The following RSBN1 variants were observed in gnomAD, a reference collection of about 807,000 sequenced individuals.
The protein encoded by RSBN1 is lysine-specific demethylase 9.
A neutral mutation model predicts 74.8 loss-of-function variants in RSBN1; 23 were observed. The ratio of observed to expected loss-of-function variants is 0.31; its 90% CI spans 0.22 to 0.44. The LOEUF (loss-of-function observed/expected upper bound fraction) is 0.44, where lower values mean the gene tolerates loss of function less well. RSBN1 is among the 20% of genes least tolerant of loss of function. The probability of loss-of-function intolerance (pLI) is 1.00; values close to 1 mark genes in which losing one functional copy is unlikely to be tolerated. For missense variants in RSBN1, 808 were observed against 1,020.9 expected (o/e 0.79, Z 2.84); for synonymous variants, 407 against 379.6 (o/e 1.07, Z -0.84).
At position 113,797,561 on chromosome 1, in the gene RSBN1, C is replaced by T; in HGVS notation, c.1179G>A (p.Glu393=). The T allele has an allele frequency of 6.2e-7, 1 of 1,611,764 alleles. No individual in the cohort carries two copies. The highest frequency in any genetic ancestry group is 2.2e-5 in the East Asian group (1 of 44,768). Residue 393 remains glutamate (E), a synonymous_variant, in exon 2 of 7, where the codon GAG becomes GAA. Transcript: ENST00000261441. ...LSPMEMERFS[E]EFLALTFSEN... ...CACTGAATGTCAAAGCAAGAAACTC[C>T]TCAGAAAATCTCTCCATCTCCATTG...
intron 2 of RSBN1, among the ~76,000 whole-genome samples, chr1:113,787,322 G>A (rs1331369326): frequency 6.6e-6 from 1 of 152,134 alleles, no homozygotes. Flanking sequence ...TAAAATCCCA[G>A]ATAGTCAAAG....
intron 2 of RSBN1, among the ~76,000 whole-genome samples, chr1:113,787,408 A>G (rs989233289): frequency 3.3e-5 from 5 of 152,240 alleles, no homozygotes; most frequent in Admixed American, 3.3e-4. Flanking sequence ...GGAAATTTGC[A>G]AACTGAGAAC....
intron 4 of RSBN1, among the ~76,000 whole-genome samples, chr1:113,770,765 CAG>C (rs919075208): frequency 1.1e-4 from 16 of 151,888 alleles, no homozygotes; most frequent in Non-Finnish European, 2.1e-4. Flanking sequence ...AGCAGCCTGA[CAG>C]AGAAAAACCA....
chr1:113,767,312 T>C (rs1203087305), intron 5 of RSBN1, 105 bp from the exon 6 acceptor site: 2 of 572,796 alleles, frequency 3.5e-6, no homozygotes, highest in Admixed American at 3.4e-5. Flanking sequence ...AGCAGAGAAA[T>C]AGATGCATAG....
chr1:113,771,623 A>C (rs1659885900), intron 4 of RSBN1, among the ~76,000 whole-genome samples: 1 of 151,766 alleles, frequency 6.6e-6, no homozygotes, highest in African/African-American at 2.4e-5. Flanking sequence ...AAAAAAAAAA[A>C]AAGGTTATAA....
At chr1:113,784,436 G>A (rs1660198533) in intron 2 of RSBN1, among the ~76,000 whole-genome samples, 1 of 152,116 alleles carries the variant, frequency 6.6e-6, no homozygotes, top group South Asian at 2.1e-4. Context: ...TAGTCCAGTG[G>A]TCCCCAATCT....
chr1:113,777,396 G>C (rs557261274), intron 3 of RSBN1, 44 bp from the exon 4 acceptor site: 2 of 1,564,822 alleles, frequency 1.3e-6, no homozygotes, highest in African/African-American at 2.7e-5. Context: ...TTGTTTCAAT[G>C]ATTTATAAGT....
At position 113,797,695 on chromosome 1, in the gene RSBN1, A is replaced by T; in HGVS notation, c.1045T>A (p.Phe349Ile). 1 of 1,614,068 alleles carries T rather than the reference A, an allele frequency of 6.2e-7. No individual in the cohort carries two copies. Among genetic ancestry groups the T allele is most frequent in the Non-Finnish European group, 8.5e-7 (1 of 1,179,990 alleles). Residue 349 changes from phenylalanine to isoleucine, a missense_variant, in exon 2 of 7, where the codon TTC (phenylalanine) becomes ATC (isoleucine). By Grantham distance (21) the Phe-to-Ile change is conservative (BLOSUM62 0). Transcript: ENST00000261441. ...CTAAATTTAGTACCTGTTTTTAAGAAATTTCTACGAATAGAATGTTCCTGG... is the reference window on the plus strand; with the variant it reads ...CTAAATTTAGTACCTGTTTTTAAGATATTTCTACGAATAGAATGTTCCTGG... ...THQEHSIRRNFLKTGTKFSNF... is the reference protein window; with the variant it reads ...THQEHSIRRNILKTGTKFSNF...
At chr1:113,807,943 C>G (rs1209167173) in intron 1 of RSBN1, among the ~76,000 whole-genome samples, 1 of 151,654 alleles carries the variant, frequency 6.6e-6, no homozygotes, top group East Asian at 1.9e-4. Context: ...TTGGGAAATG[C>G]AAATTAAGAT....
chr1:113,780,212 A>G (rs1432376673), intron 2 of RSBN1, among the ~76,000 whole-genome samples: 1 of 152,218 alleles, frequency 6.6e-6, no homozygotes, highest in African/African-American at 2.4e-5. Context: ...ATCCTAATTT[A>G]AAGCAGCCAA....
intron 1 of RSBN1, among the ~76,000 whole-genome samples, chr1:113,806,869 C>T (rs1660709753): frequency 6.8e-6 from 1 of 146,484 alleles, no homozygotes; most frequent in South Asian, 2.2e-4. Context: ...AAACATTAGC[C>T]AGGTGTGGTG....
At chr1:113,768,129 C>A in intron 5 of RSBN1, 93 bp downstream of exon 5, 1 of 1,120,650 alleles carries the variant, frequency 8.9e-7, no homozygotes, top group Non-Finnish European at 1.2e-6. Flanking sequence ...TATTTTACCA[C>A]AATTTAAAAA....
In RSBN1 at chr1:113,804,361, G is replaced by A. The variant is rs116220636; in HGVS notation, c.704-6325C>T. 8.9e-3 allele frequency among the ~76,000 whole-genome samples: 1,348 copies of A among 152,230 alleles called. 9 individuals are homozygous for A. Among genetic ancestry groups the A allele is most frequent in the Middle Eastern group, 0.014 (4 of 294 alleles). On this transcript the variant is annotated intron_variant, in intron 1 of 6. Coordinates refer to ENST00000261441, the MANE Select transcript of RSBN1 (RefSeq NM_018364.5). ...TTTAATCCTCAAACCAATGAAGTAC[G>A]GAGAAAGAAACAGCCTGAAACAAGA...
At chr1:113,791,211 C>T (rs750126349) in intron 2 of RSBN1, among the ~76,000 whole-genome samples, 38 of 151,952 alleles carry the variant, frequency 2.5e-4, no homozygotes, top group Admixed American at 2.2e-3. Flanking sequence ...AAGGATGTGG[C>T]ATCAAAGAGA....
At chr1:113,781,024 C>A (rs552023084) in intron 2 of RSBN1, among the ~76,000 whole-genome samples, 26 of 152,094 alleles carry the variant, frequency 1.7e-4, no homozygotes, top group African/African-American at 5.1e-4. Context: ...AGGTTTATCC[C>A]TCTCTCATAA....
At chr1:113,784,373 G>A (rs1358439476) in intron 2 of RSBN1, among the ~76,000 whole-genome samples, 1 of 152,166 alleles carries the variant, frequency 6.6e-6, no homozygotes, top group African/African-American at 2.4e-5. Flanking sequence ...ATATGACATA[G>A]CCTATTGCTC....
In RSBN1 at chr1:113,771,147, C is replaced by T. The variant is rs536615765; in HGVS notation, c.1659-2758G>A. ...TTGCAGACAAGAAAAAAATAGGATA[C>T]CTACAAAAGAATAAAAATTACACTA... On this transcript the variant is annotated intron_variant, in intron 4 of 6. Coordinates refer to ENST00000261441, the MANE Select transcript of RSBN1 (RefSeq NM_018364.5). Among the ~76,000 whole-genome samples, 5 of 151,980 alleles carry T rather than the reference C, an allele frequency of 3.3e-5. No individual in the cohort carries two copies. The East Asian group carries it at 9.7e-4, about 29-fold the overall frequency.
intron 2 of RSBN1, among the ~76,000 whole-genome samples, chr1:113,779,967 C>G (rs552152372): frequency 2.0e-5 from 3 of 152,016 alleles, no homozygotes; most frequent in African/African-American, 7.2e-5. Flanking sequence ...TTGCAGTGAG[C>G]CAAGATCGTG....
chr1:113,803,793 A>C (rs1473423414), intron 1 of RSBN1, among the ~76,000 whole-genome samples: 3 of 152,006 alleles, frequency 2.0e-5, no homozygotes, highest in Non-Finnish European at 2.9e-5. Context: ...TTTAAATCTA[A>C]ATTTTCTCAT....
Sources: allele counts gnomAD v4.1 joint callset (sites outside exome capture counted in the v4.1 genomes callset), GRCh38; gene constraint gnomAD v4.1.1; transcripts MANE v1.5; gene names NCBI Gene and HGNC (gene_info 2026-07-23, HGNC 2026-07-21).